SPOCK1: variants seen among roughly 807,000 people sequenced by gnomAD.
SPOCK1 encodes SPARC (osteonectin), cwcv and kazal like domains proteoglycan 1.
SPOCK1 carries 23 observed loss-of-function variants against 55.3 expected under a neutral mutation model. The observed-to-expected ratio is 0.42, with a 90% CI of 0.30 to 0.59. SPOCK1 has a LOEUF of 0.59. SPOCK1 is among the 20% of genes least tolerant of loss of function. The pLI, the probability that SPOCK1 is intolerant of heterozygous loss-of-function variation, is 0.22. For synonymous variants in SPOCK1, 226 were observed against 221.0 expected, an observed-to-expected ratio of 1.02 and a Z score of -0.20; for missense variants, 499 against 552.5, an observed-to-expected ratio of 0.90 and a Z score of 0.97.
chr5:137,394,747 T>C (rs1372047226), intron 2 of SPOCK1, among the ~76,000 whole-genome samples: 2 of 152,208 alleles, frequency 1.3e-5, no homozygotes, highest in African/African-American at 4.8e-5. Flanking sequence ...TCTTGTTTCT[T>C]CCATGGGAGA....
At chr5:137,023,270 CACT>C (rs2126981151) in intron 6 of SPOCK1, among the ~76,000 whole-genome samples, 1 of 152,204 alleles carries the variant, frequency 6.6e-6, no homozygotes, top group South Asian at 2.1e-4. Flanking sequence ...GCATTGAGAG[CACT>C]TGTTCACTAA....
chr5:137,306,056 G>C (rs1757696473), intron 2 of SPOCK1, among the ~76,000 whole-genome samples: 1 of 152,122 alleles, frequency 6.6e-6, no homozygotes, highest in Admixed American at 6.5e-5. Context: ...TCTGTGTATA[G>C]TTAGAATTAC....
chr5:137,498,912 GGT>G (rs1387853162), intron 1 of SPOCK1, among the ~76,000 whole-genome samples: 2 of 152 alleles, frequency 0.013, no homozygotes, highest in African/African-American at 0.071. Context: ...TCCCACAGAC[GGT>G]GCGGTGCACA....
intron 3 of SPOCK1, among the ~76,000 whole-genome samples, chr5:137,258,082 T>G (rs1261167128): frequency 6.6e-6 from 1 of 152,258 alleles, no homozygotes; most frequent in Non-Finnish European, 1.5e-5. Flanking sequence ...CTCTATCTCC[T>G]GCCAAAGCTT....
intron 2 of SPOCK1, among the ~76,000 whole-genome samples, chr5:137,315,253 T>C (rs17171354): frequency 0.12 from 18,714 of 152,258 alleles, 2,829 homozygotes; most frequent in African/African-American, 0.36. Flanking sequence ...TGACTCTCTG[T>C]ATTTCATATT....
intron 2 of SPOCK1, among the ~76,000 whole-genome samples, chr5:137,277,043 G>T (rs560384765): frequency 7.9e-5 from 12 of 152,068 alleles, no homozygotes; most frequent in African/African-American, 2.2e-4. Context: ...AATAGACAGG[G>T]TCTTGCCATC....
At chr5:137,331,032 C>G (rs943691917) in intron 2 of SPOCK1, among the ~76,000 whole-genome samples, 2 of 152,166 alleles carry the variant, frequency 1.3e-5, no homozygotes, top group African/African-American at 4.8e-5. Flanking sequence ...GGTGGTGGAG[C>G]TAGGATTCAA....
intron 4 of SPOCK1, among the ~76,000 whole-genome samples, chr5:137,136,620 T>C (rs1753989912): frequency 6.6e-6 from 1 of 152,196 alleles, no homozygotes; most frequent in South Asian, 2.1e-4. Context: ...CATTGCCTAT[T>C]TCTTGTTTCT....
chr5:137,268,955 G>A (rs1756910067), intron 2 of SPOCK1, among the ~76,000 whole-genome samples: 1 of 152,236 alleles, frequency 6.6e-6, no homozygotes, highest in Non-Finnish European at 1.5e-5. Context: ...TCTCTTTGAT[G>A]TCAAAGAAAG....
chr5:137,114,413 T>C (rs1201715959), intron 4 of SPOCK1, among the ~76,000 whole-genome samples: 1 of 152,194 alleles, frequency 6.6e-6, no homozygotes, highest in East Asian at 1.9e-4. Context: ...GCTTGAAAAT[T>C]CTTTGAGGGC....
chr5:137,199,711 G>A (rs1755378106), intron 3 of SPOCK1, among the ~76,000 whole-genome samples: 1 of 151,980 alleles, frequency 6.6e-6, no homozygotes, highest in Non-Finnish European at 1.5e-5. Context: ...CCAGTTTTTA[G>A]TCATTAGGCC....
intron 4 of SPOCK1, 152 bp downstream of exon 4, chr5:137,140,428 T>C (rs1580772350): frequency 3.7e-6 from 2 of 541,508 alleles, no homozygotes; most frequent in East Asian, 3.1e-5. Context: ...ATTCCTATCA[T>C]AGTCAGAGTA....
At chr5:137,015,989 T>C (rs940058594) in intron 6 of SPOCK1, among the ~76,000 whole-genome samples, 5 of 152,200 alleles carry the variant, frequency 3.3e-5, no homozygotes, top group Non-Finnish European at 2.9e-5. Context: ...CATATTGTGG[T>C]TCCAAGATTT....
At chr5:137,015,919 C>A (rs1379959646) in intron 6 of SPOCK1, among the ~76,000 whole-genome samples, 1 of 152,134 alleles carries the variant, frequency 6.6e-6, no homozygotes, top group African/African-American at 2.4e-5. Flanking sequence ...TGACAGATGG[C>A]TTTTAAGGGA....
intron 2 of SPOCK1, among the ~76,000 whole-genome samples, chr5:137,447,147 T>C (rs754668286): frequency 1.4e-4 from 21 of 152,334 alleles, no homozygotes; most frequent in Admixed American, 2.0e-4. Flanking sequence ...TTCTTATAAG[T>C]AGATTCTCAT....
rs1239330805 is a variant in SPOCK1, at chr5:137,345,623, T to C, written c.187-78568A>G. Among the ~76,000 whole-genome samples the C allele has an allele frequency of 3.3e-5, 5 of 152,344 alleles. No homozygotes were observed. The East Asian group carries it at 7.7e-4, about 24-fold the overall frequency. On this transcript the variant is annotated intron_variant, in intron 2 of 10. Transcript: ENST00000394945. ...CTAAGTGGCTCTTTAGCTCTGGCTC[T>C]ATTCCAAAACTTTCCCAAAATGTGG...
chr5:136,989,787 G>A (rs551569158), intron 7 of SPOCK1, among the ~76,000 whole-genome samples: 2 of 152,272 alleles, frequency 1.3e-5, no homozygotes, highest in South Asian at 4.1e-4. Context: ...GGGATGGGCA[G>A]TGCAAGGGGG....
chr5:137,178,753 C>T (rs1268877546), intron 3 of SPOCK1, among the ~76,000 whole-genome samples: 1 of 152,234 alleles, frequency 6.6e-6, no homozygotes, highest in Non-Finnish European at 1.5e-5. Flanking sequence ...ACTAAGACTG[C>T]CAGTGACCTG....
At chr5:137,192,077 T>G (rs1190854504) in intron 3 of SPOCK1, among the ~76,000 whole-genome samples, 1 of 149,834 alleles carries the variant, frequency 6.7e-6, no homozygotes, top group East Asian at 2.0e-4. Flanking sequence ...TCTACTAAAA[T>G]ACAAAAAAAA....
Sources: gnomAD v4.1 joint callset for allele counts (sites outside exome capture counted in the v4.1 genomes callset) on GRCh38, gnomAD v4.1.1 for gene constraint, MANE v1.5 for transcripts, NCBI Gene and HGNC (gene_info 2026-07-23, HGNC 2026-07-21) for gene names.